Variants in APLP2 observed in about 807,000 individuals in gnomAD.
The protein encoded by APLP2 is CDEI box-binding protein.
Under a neutral mutation model 89.9 loss-of-function variants are expected in APLP2, and 53 were observed. The ratio of observed to expected loss-of-function variants is 0.59; its 90% confidence interval spans 0.47 to 0.74. The LOEUF is 0.74. APLP2 is among the 30% of genes least tolerant of loss of function. APLP2 has a pLI of 0.00. For missense variants in APLP2, 973 were observed against 975.9 expected, an observed-to-expected ratio of 1.00 and a Z score of 0.04; for synonymous variants, 372 against 348.6, an observed-to-expected ratio of 1.07 and a Z score of -0.75.
rs58850358 is a variant in APLP2 at position 130,090,661 on chromosome 11, T to C, written c.106-18768T>C. On this transcript the variant is annotated intron_variant, in intron 1 of 16. Coordinates refer to ENST00000338167, the MANE Select transcript of APLP2 (RefSeq NM_001142276.2). Reference sequence around the variant, plus strand: ...AAAATGAAAAGTCTCCCATGTCTACTTCTTTCTACACAGACACGGCAACCA... The same window carrying C: ...AAAATGAAAAGTCTCCCATGTCTACCTCTTTCTACACAGACACGGCAACCA... Among the ~76,000 whole-genome samples the C allele has an allele frequency of 3.1e-3, 468 of 152,216 alleles. 2 individuals are homozygous for C. The highest frequency in any genetic ancestry group is 0.011 in the African/African-American group (448 of 41,518).
intron 1 of APLP2, among the ~76,000 whole-genome samples, chr11:130,072,337 ACT>A (rs905426044): frequency 6.6e-6 from 1 of 152,072 alleles, no homozygotes; most frequent in Non-Finnish European, 1.5e-5. Flanking sequence ...TTTTCTGGAA[ACT>A]CAAACCCAAA....
chr11:130,143,444 T>G lies in APLP2; in HGVS notation c.2252T>G (p.Ile751Ser). 1.2e-6 allele frequency: 2 copies of G among 1,613,652 alleles called. No individual in the cohort carries two copies. Among genetic ancestry groups the G allele is most frequent in the South Asian group, 2.2e-5 (2 of 91,078 alleles). Residue 751 changes from isoleucine (I) to serine (S), a missense_variant, in exon 17 of 17, where the codon ATT (isoleucine) becomes AGT (serine). By Grantham distance (142) the Ile-to-Ser change is moderately radical. Transcript: ENST00000338167. ...PTYKYLEQMQ[I>S] is the part of the protein sequence containing the mutation. ...TACAAATACCTGGAGCAGATGCAGA[T>G]TTAGGTGGCAGGGAGCGCGGCAGCC...
At chr11:130,143,042 C>G (rs1479056952) in intron 16 of APLP2, among the ~76,000 whole-genome samples, 2 of 152,144 alleles carry the variant, frequency 1.3e-5, no homozygotes, top group Non-Finnish European at 2.9e-5. Context: ...CTTGGCTGGC[C>G]CAGGTAGTAA....
At position 130,142,133 on chromosome 11, in the gene APLP2, A is replaced by G. The variant is rs1361573290; in HGVS notation, c.2154+59A>G. The G allele has an allele frequency of 2.4e-5, 37 of 1,514,848 alleles. No homozygotes were observed. The East Asian group carries it at 3.1e-4, about 13-fold the overall frequency. The allele number at this position is 1,514,848 out of a possible 1,614,324, so 93.8% of individuals were successfully genotyped here. A position where few individuals can be genotyped will look rare whatever the true frequency, so the allele number is the denominator to read the frequency against. Reference sequence around the variant, plus strand: ...ACTGTGGGCTGGGTTGGGGGTGGGAACCTGTGGAATTAATAGGCATCTTCA... The same window carrying G: ...ACTGTGGGCTGGGTTGGGGGTGGGAGCCTGTGGAATTAATAGGCATCTTCA... On this transcript the variant is annotated intron_variant, in intron 16 of 16. Coordinates refer to ENST00000338167, the MANE Select transcript of APLP2 (RefSeq NM_001142276.2).
At position 130,129,268 on chromosome 11, in the gene APLP2, C is replaced by T; in HGVS notation, c.1455+62C>T. 3.3e-6 allele frequency: 5 copies of T among 1,509,994 alleles called. No homozygotes were observed. In the East Asian group the frequency reaches 1.1e-4, roughly 35 times the overall value. 93.5% of individuals were successfully genotyped at this position (1,509,994 alleles called of 1,614,324 possible). On this transcript the variant is annotated intron_variant, in intron 10 of 16. Coordinates refer to ENST00000338167, the MANE Select transcript of APLP2 (RefSeq NM_001142276.2). ...GTATATGTAGGGGACCAATGTATGA[C>T]ACTCAGGTCAGTAAAAGTGACATTT...
At chr11:130,100,330 C>G (rs189694590) in intron 1 of APLP2, 28 of 152,086 alleles carry the variant, frequency 1.8e-4, no homozygotes, top group African/African-American at 6.5e-4. Flanking sequence ...CTCCATACCC[C>G]CTGGAAATAA....
intron 1 of APLP2, among the ~76,000 whole-genome samples, chr11:130,071,261 C>A (rs551692609): frequency 6.6e-6 from 1 of 152,162 alleles, no homozygotes; most frequent in Non-Finnish European, 1.5e-5. Context: ...TCAAGTATTT[C>A]CACGGGTAAA....
At chr11:130,106,707 A>G in intron 1 of APLP2, among the ~76,000 whole-genome samples, 1 of 146,584 alleles carries the variant, frequency 6.8e-6, no homozygotes, top group East Asian at 2.0e-4. Flanking sequence ...TTTTTTTTTG[A>G]GATTTGAGTC....
chr11:130,118,532 T>C (rs1669279412), intron 3 of APLP2, among the ~76,000 whole-genome samples: 1 of 152,204 alleles, frequency 6.6e-6, no homozygotes, highest in Non-Finnish European at 1.5e-5. Context: ...TCCTTTAGCA[T>C]CCACTTTTGT....
chr11:130,095,276 G>A (rs541163510), intron 1 of APLP2, among the ~76,000 whole-genome samples: 21 of 152,348 alleles, frequency 1.4e-4, no homozygotes, highest in Middle Eastern at 3.4e-3. Context: ...GGAGGCTGAG[G>A]CCGGAGGATT....
In APLP2 at chr11:130,141,917, A is replaced by G. The variant is rs113653885; in HGVS notation, c.1999-2A>G. 2 of 1,597,990 alleles carry G rather than the reference A, an allele frequency of 1.3e-6. No homozygotes were observed. The highest frequency in any genetic ancestry group is 2.2e-5 in the South Asian group (2 of 90,450). ...TTTTTCCACGTCTGCTTTATTACGT[A>G]GGAATCCGTGGGCCCACTGCGGGAG... On this transcript the variant is annotated splice_acceptor_variant, in intron 15 of 16. Transcript: ENST00000338167. LOFTEE classifies it high-confidence loss of function. This position sits in a 1 kb window ranked among gnomAD's most constrained non-coding sequence, Gnocchi z 4.2.
chr11:130,090,895 T>G (rs1163989995), intron 1 of APLP2, among the ~76,000 whole-genome samples: 1 of 126,822 alleles, frequency 7.9e-6, no homozygotes, highest in Admixed American at 7.3e-5. Flanking sequence ...GCGGGGGGGC[T>G]GACCCCCCCC....
rs186678850 is a variant in APLP2 at position 130,116,264 on chromosome 11, G to T, written c.404-4442G>T. 4.4e-3 allele frequency among the ~76,000 whole-genome samples: 676 copies of T among 152,164 alleles called. 2 individuals carry two copies. The highest frequency in any genetic ancestry group is 0.016 in the African/African-American group (648 of 41,514). On this transcript the variant is annotated intron_variant, in intron 3 of 16. Coordinates refer to ENST00000338167, the MANE Select transcript of APLP2 (RefSeq NM_001142276.2). ...GTTTCCTTTTGTTTGTTTGTTCAAT[G>T]ATTTTAAAAATTATTAAACCACCAT...
chr11:130,079,021 G>A (rs1159361908), intron 1 of APLP2, among the ~76,000 whole-genome samples: 1 of 151,948 alleles, frequency 6.6e-6, no homozygotes, highest in African/African-American at 2.4e-5. Context: ...TAGTTTAATT[G>A]GGGGAAAATT....
chr11:130,128,561 C>T (rs975105567), intron 9 of APLP2, among the ~76,000 whole-genome samples: 3 of 152,270 alleles, frequency 2.0e-5, no homozygotes, highest in East Asian at 3.9e-4. Flanking sequence ...GGATACCTCA[C>T]GGATAACTTG....
At chr11:130,080,697 CT>C (rs375026553) in intron 1 of APLP2, among the ~76,000 whole-genome samples, 14,560 of 130,152 alleles carry the variant, frequency 0.11, 759 homozygotes, top group East Asian at 0.23. Flanking sequence ...ATTTATCTTT[CT>C]TTTTTTTTTT....
intron 1 of APLP2, among the ~76,000 whole-genome samples, chr11:130,083,783 T>C (rs1259255722): frequency 4.6e-5 from 7 of 152,240 alleles, no homozygotes; most frequent in East Asian, 1.9e-4. Context: ...AATTCTGCAG[T>C]GAACATGGGA....
chr11:130,072,474 C>CTTTTTTT (rs562054930), intron 1 of APLP2, among the ~76,000 whole-genome samples: 1 of 110,294 alleles, frequency 9.1e-6, no homozygotes. Flanking sequence ...GGAATATCGT[C>CTTTTTTT]TTTTTTTTTT....
At chr11:130,137,066 A>G (rs967776615) in intron 13 of APLP2, among the ~76,000 whole-genome samples, 2 of 152,202 alleles carry the variant, frequency 1.3e-5, no homozygotes, top group African/African-American at 4.8e-5. Context: ...GATACCCTCC[A>G]GTGATTTGCT....
Sources: gnomAD v4.1 joint callset for allele counts (sites outside exome capture counted in the v4.1 genomes callset) on GRCh38, gnomAD v4.1.1 for gene constraint, Gnocchi (gnomAD v3.1) non-coding constraint, MANE v1.5 for transcripts, NCBI Gene and HGNC (gene_info 2026-07-23, HGNC 2026-07-21) for gene names.